FGF14: variants seen among roughly 807,000 people sequenced by gnomAD.
FGF14 encodes the protein fibroblast growth factor 14.
FGF14 carries 5 observed loss-of-function variants against 25.5 expected under a neutral mutation model. The observed-to-expected ratio is 0.20, with a 90% CI of 0.10 to 0.41. FGF14 has a LOEUF of 0.41. Among genes scored for constraint, FGF14 ranks in the 10% least tolerant of loss-of-function variants. FGF14 has a pLI of 1.00. For missense variants in FGF14, 222 were observed against 320.1 expected, an observed-to-expected ratio of 0.69 and a Z score of 2.34; for synonymous variants, 138 against 118.3, an observed-to-expected ratio of 1.17 and a Z score of -1.08.
chr13:101,822,425 C>T (rs184061136), intron 3 of FGF14, among the ~76,000 whole-genome samples: 3 of 151,310 alleles, frequency 2.0e-5, no homozygotes, highest in African/African-American at 4.9e-5. Flanking sequence ...AGTGTGAGTA[C>T]TTCAAATTGT....
intron 1 of FGF14, among the ~76,000 whole-genome samples, chr13:102,183,424 A>C (rs2140766503): frequency 6.6e-6 from 1 of 152,338 alleles, no homozygotes; most frequent in East Asian, 1.9e-4. Context: ...ATTATAAAGC[A>C]GGATAAGTAC....
chr13:101,885,580 C>A (rs961676272), intron 1 of FGF14, among the ~76,000 whole-genome samples: 2 of 152,074 alleles, frequency 1.3e-5, no homozygotes, highest in African/African-American at 4.8e-5. Context: ...TAGGTAGCCA[C>A]TGAATTCCTT....
chr13:102,392,313 G>T (rs1277369751), intron 1 of FGF14, among the ~76,000 whole-genome samples: 1 of 152,088 alleles, frequency 6.6e-6, no homozygotes, highest in Non-Finnish European at 1.5e-5. Flanking sequence ...GCTTTTAATT[G>T]CACTACTTGA....
intron 1 of FGF14, among the ~76,000 whole-genome samples, chr13:102,379,013 C>T (rs913573789): frequency 5.3e-5 from 8 of 152,180 alleles, no homozygotes; most frequent in African/African-American, 1.9e-4. Flanking sequence ...AAGCTCTGTC[C>T]AGCCTATGAA....
intron 1 of FGF14, among the ~76,000 whole-genome samples, chr13:102,145,965 G>A (rs1026900456): frequency 6.6e-6 from 1 of 152,254 alleles, no homozygotes; most frequent in African/African-American, 2.4e-5. Context: ...CAAAGATTGT[G>A]CATTAGGAGA....
chr13:101,763,685 C>A lies in FGF14; in HGVS notation c.409-36875G>T, dbSNP rs535924274. 9.2e-5 allele frequency among the ~76,000 whole-genome samples: 14 copies of A among 152,242 alleles called. No individual in the cohort carries two copies. In the South Asian group the frequency reaches 2.7e-3, roughly 29 times the overall value. On this transcript the variant is annotated intron_variant, in intron 3 of 4. Transcript: ENST00000376143. ...GACCAGCCTGACCAACATGGTGAAA[C>A]CCCATCTCTAGTGAAAATACAAAAA...
intron 1 of FGF14, among the ~76,000 whole-genome samples, chr13:102,096,787 C>G (rs375649344): frequency 1.3e-5 from 2 of 151,748 alleles, no homozygotes; most frequent in African/African-American, 4.8e-5. Context: ...AACCAGGAAA[C>G]AGATTCCTTA....
chr13:101,892,347 T>C (rs560223858), intron 1 of FGF14, among the ~76,000 whole-genome samples: 13 of 152,262 alleles, frequency 8.5e-5, no homozygotes, highest in African/African-American at 3.1e-4. Context: ...ATAGGCCTCA[T>C]CCTTATTGTT....
chr13:101,798,678 C>T (rs2040698104), intron 3 of FGF14, among the ~76,000 whole-genome samples: 2 of 152,006 alleles, frequency 1.3e-5, no homozygotes, highest in Admixed American at 6.6e-5. Context: ...GTACATCTTG[C>T]GAGTTGCCAT....
chr13:102,310,700 G>GGC (rs1555399389), intron 1 of FGF14, among the ~76,000 whole-genome samples: 1 of 49,756 alleles, frequency 2.0e-5, no homozygotes, highest in Non-Finnish European at 4.3e-5. Flanking sequence ...TGTGTGTGGG[G>GGC]GGGGGGGGGT....
chr13:102,270,018 T>C (rs1224133117), intron 1 of FGF14, among the ~76,000 whole-genome samples: 1 of 152,132 alleles, frequency 6.6e-6, no homozygotes. Flanking sequence ...CCTAGTACTG[T>C]GCCTGAGCAA....
chr13:102,399,155 G>A (rs2058645875), intron 1 of FGF14, among the ~76,000 whole-genome samples: 1 of 152,030 alleles, frequency 6.6e-6, no homozygotes, highest in South Asian at 2.1e-4. Context: ...GAAAGTGGGT[G>A]GGATGGAGGA....
At chr13:101,750,895 C>G (rs1000317418) in intron 3 of FGF14, among the ~76,000 whole-genome samples, 2 of 151,982 alleles carry the variant, frequency 1.3e-5, no homozygotes, top group Non-Finnish European at 2.9e-5. Context: ...TATGAGAAAC[C>G]TTAAATGCAT....
intron 1 of FGF14, among the ~76,000 whole-genome samples, chr13:102,326,818 C>A (rs1463166100): frequency 2.0e-5 from 3 of 151,486 alleles, no homozygotes; most frequent in Non-Finnish European, 4.4e-5. Flanking sequence ...TATGAGCAAA[C>A]CAATGTTTCA....
intron 1 of FGF14, among the ~76,000 whole-genome samples, chr13:102,179,342 G>A (rs923421707): frequency 3.3e-5 from 5 of 151,914 alleles, no homozygotes; most frequent in Non-Finnish European, 7.4e-5. Context: ...CAGTCACTTC[G>A]TTCACTCCTG....
At chr13:101,824,310 G>T (rs1195731104) in intron 3 of FGF14, among the ~76,000 whole-genome samples, 1 of 152,026 alleles carries the variant, frequency 6.6e-6, no homozygotes. Context: ...AATATGATGG[G>T]CTTATATTTA....
At chr13:102,095,186 T>C (rs2044335240) in intron 1 of FGF14, among the ~76,000 whole-genome samples, 1 of 152,110 alleles carries the variant, frequency 6.6e-6, no homozygotes, top group South Asian at 2.1e-4. Flanking sequence ...ATCAAGGAAA[T>C]TATTTAAAAT....
chr13:102,225,834 G>T (rs1266071055), intron 1 of FGF14, among the ~76,000 whole-genome samples: 4 of 152,108 alleles, frequency 2.6e-5, no homozygotes, highest in African/African-American at 9.7e-5. Flanking sequence ...TTGAAAACAA[G>T]ATTCTGCCAT....
chr13:101,983,778 G>C (rs1425715930), intron 1 of FGF14, among the ~76,000 whole-genome samples: 3 of 152,144 alleles, frequency 2.0e-5, no homozygotes, highest in Admixed American at 6.6e-5. Flanking sequence ...GGCAGCCATA[G>C]ACTACCTGAA....
Sources: allele counts gnomAD v4.1 joint callset (sites outside exome capture counted in the v4.1 genomes callset), GRCh38; gene constraint gnomAD v4.1.1; transcripts MANE v1.5; gene names NCBI Gene and HGNC (gene_info 2026-07-23, HGNC 2026-07-21).